TMEM192: variants seen among roughly 807,000 people sequenced by gnomAD.
TMEM192 encodes the protein transmembrane protein 192.
TMEM192 carries 20 observed loss-of-function variants against 26.7 expected under a neutral mutation model. The ratio of observed to expected loss-of-function variants is 0.75; its 90% CI spans 0.53 to 1.09. The LOEUF (loss-of-function observed/expected upper bound fraction) is 1.09, where lower values mean the gene tolerates loss of function less well. TMEM192 is among the 50% of genes least tolerant of loss of function. The pLI, the probability that TMEM192 is intolerant of heterozygous loss-of-function variation, is 0.00. For synonymous variants in TMEM192, 124 were observed against 121.0 expected, an observed-to-expected ratio of 1.02 and a Z score of -0.16; for missense variants, 304 against 322.6, an observed-to-expected ratio of 0.94 and a Z score of 0.44.
intron 1 of TMEM192, among the ~76,000 whole-genome samples, chr4:165,103,740 G>A (rs375120619): frequency 6.6e-6 from 1 of 151,914 alleles, no homozygotes; most frequent in African/African-American, 2.4e-5. Context: ...CAGGCTGGTC[G>A]CGAACTCCTG....
chr4:165,084,840 GGA>G (rs1734573440), intron 5 of TMEM192, among the ~76,000 whole-genome samples: 2 of 152,094 alleles, frequency 1.3e-5, no homozygotes, highest in African/African-American at 4.8e-5. Flanking sequence ...TAATTACCAT[GGA>G]AGTCACTTAG....
intron 2 of TMEM192, among the ~76,000 whole-genome samples, chr4:165,102,161 A>T (rs1418305140): frequency 6.6e-6 from 1 of 152,214 alleles, no homozygotes; most frequent in East Asian, 1.9e-4. Flanking sequence ...TAATTTTGTC[A>T]TCATACAAAA....
chr4:165,093,955 A>G (rs2110767204), intron 3 of TMEM192, among the ~76,000 whole-genome samples: 1 of 152,138 alleles, frequency 6.6e-6, no homozygotes, highest in East Asian at 1.9e-4. Flanking sequence ...TTGGGAGTGC[A>G]ATGACATGAT....
chr4:165,085,665 C>T lies in TMEM192; in HGVS notation c.598G>A (p.Ala200Thr). 1 of 1,608,846 alleles carries T rather than the reference C, an allele frequency of 6.2e-7. No homozygotes were observed. The highest frequency in any genetic ancestry group is 8.5e-7 in the Non-Finnish European group (1 of 1,178,052). Residue 200 changes from alanine (A) to threonine (T), a missense_variant, in exon 5 of 6, where the codon GCT (alanine) becomes ACT (threonine). Physicochemically the swap from Ala to Thr is moderately conservative, Grantham distance 58. Transcript: ENST00000306480. ...YTVKIRRFNKAKPEPDILEEE... is the reference protein window; with the variant it reads ...YTVKIRRFNKTKPEPDILEEE... ...TCAAGTATATCAGGCTCTGGTTTAG[C>T]TTTATTAAATCTCCGGATTTTCACT...
chr4:165,110,783 C>T (rs903994238), intron 1 of TMEM192, among the ~76,000 whole-genome samples: 2 of 152,220 alleles, frequency 1.3e-5, no homozygotes, highest in African/African-American at 4.8e-5. Context: ...ACTTCAATGC[C>T]TTGAGATGCC....
At chr4:165,108,201 C>G (rs1735213693) in intron 1 of TMEM192, among the ~76,000 whole-genome samples, 1 of 132,192 alleles carries the variant, frequency 7.6e-6, no homozygotes, top group Admixed American at 9.4e-5. Context: ...CGGCTCACTG[C>G]AAGCTCTGCC....
At chr4:165,112,300 C>A (rs1735311953) in intron 1 of TMEM192, among the ~76,000 whole-genome samples, 5 of 152,240 alleles carry the variant, frequency 3.3e-5, no homozygotes, top group African/African-American at 1.2e-4. Flanking sequence ...GGCAAGGGAC[C>A]TCACCAGGAA....
intron 3 of TMEM192, among the ~76,000 whole-genome samples, chr4:165,092,112 C>CTTTTTTTTTTTTTTTTTTTTTTT (rs35641833): frequency 1.4e-5 from 1 of 72,074 alleles, no homozygotes; most frequent in African/African-American, 6.7e-5. Context: ...TAATGCTGTT[C>CTTTTTTTTTTTTTTTTTTTTTTT]TTTTTTTTTT....
chr4:165,109,645 G>A (rs1279322548), intron 1 of TMEM192, among the ~76,000 whole-genome samples: 13 of 152,214 alleles, frequency 8.5e-5, no homozygotes, highest in Non-Finnish European at 1.5e-4. Flanking sequence ...GATTACAGGC[G>A]TGAGCCACCG....
Position 165,088,554 on chromosome 4 carries a change from T to A in TMEM192, c.488A>T (p.Glu163Val). 6.2e-7 allele frequency: 1 copy of A among 1,613,636 alleles called. No homozygotes were observed. The highest frequency in any genetic ancestry group is 1.1e-5 in the South Asian group (1 of 90,902). ...GAGGTCAAGATACAATCTGCCAGGCTCTGGGAAGGAGTGCTGCATGCACAG... is the reference window on the plus strand; with the variant it reads ...GAGGTCAAGATACAATCTGCCAGGCACTGGGAAGGAGTGCTGCATGCACAG... ...LILCMQHSFP[E>V]PGRLYLDLIL... The change falls in exon 4 of 6, where the codon GAG (glutamate) becomes GTG (valine). Residue 163 changes from glutamate to valine, a missense_variant. Transcript: ENST00000306480.
rs371707606 is a variant in TMEM192 at position 165,100,697 on chromosome 4, G to C, written c.370C>G (p.Arg124Gly). ...IQYHHSKIRN[R>G]GYNLIYRSTR... ...GATCGGTAGATCAAGTTATAGCCTC[G>C]GTTTCTGATTTTGCTGTGGTGATAC... The change falls in exon 3 of 6, where the codon CGA (arginine) becomes GGA (glycine). Residue 124 changes from arginine (R) to glycine (G), a missense_variant. By Grantham distance (125) the Arg-to-Gly change is moderately radical (BLOSUM62 -2). Coordinates refer to ENST00000306480, the MANE Select transcript of TMEM192 (RefSeq NM_001100389.2). The C allele has an allele frequency of 6.2e-7, 1 of 1,613,916 alleles. No individual in the cohort carries two copies. Among genetic ancestry groups the C allele is most frequent in the African/African-American group, 1.3e-5 (1 of 74,868 alleles).
chr4:165,090,471 G>T (rs1396621334), intron 3 of TMEM192, among the ~76,000 whole-genome samples: 4 of 152,076 alleles, frequency 2.6e-5, no homozygotes. Context: ...GTGGACAGAA[G>T]CTCCTGTACT....
chr4:165,088,216 AG>A (rs1342206792), intron 4 of TMEM192, among the ~76,000 whole-genome samples: 6 of 152,118 alleles, frequency 3.9e-5, no homozygotes, highest in African/African-American at 1.4e-4. Flanking sequence ...CAGCCCAAAA[AG>A]TTTGTGTCTT....
chr4:165,093,745 T>G (rs1227575727), intron 3 of TMEM192, among the ~76,000 whole-genome samples: 2 of 151,944 alleles, frequency 1.3e-5, no homozygotes, highest in Non-Finnish European at 2.9e-5. Context: ...TAATGGTGAC[T>G]TTTTTTTGAA....
intron 5 of TMEM192, among the ~76,000 whole-genome samples, chr4:165,080,581 G>T (rs529791026): frequency 6.6e-6 from 1 of 152,080 alleles, no homozygotes. Flanking sequence ...TTCAAGGGAT[G>T]GTAAGTGAGA....
In TMEM192 at chr4:165,078,717, C is replaced by T. The variant is rs931121847; in HGVS notation, c.*941G>A. The T allele has an allele frequency of 4.6e-5, 7 of 152,240 alleles. No individual in the cohort carries two copies. The highest frequency in any genetic ancestry group is 1.4e-4 in the African/African-American group (6 of 41,468). The allele number at this position is 152,240 out of a possible 1,614,324, so 9.4% of individuals were successfully genotyped here. ...AAGGTGCTGCCAATATAATAGGCAA[C>T]ACAGGTTCGTCTAACACAGGTCGGT... On this transcript the variant is annotated 3_prime_UTR_variant, in exon 6 of 6. Coordinates refer to ENST00000306480, the MANE Select transcript of TMEM192 (RefSeq NM_001100389.2).
chr4:165,094,675 G>GA (rs1734852537), intron 3 of TMEM192, among the ~76,000 whole-genome samples: 1 of 151,306 alleles, frequency 6.6e-6, no homozygotes, highest in Non-Finnish European at 1.5e-5. Flanking sequence ...AAAAGAAAAG[G>GA]AAAAAAAGAA....
chr4:165,090,492 C>G (rs1158013237), intron 3 of TMEM192, among the ~76,000 whole-genome samples: 1 of 152,116 alleles, frequency 6.6e-6, no homozygotes, highest in Non-Finnish European at 1.5e-5. Context: ...TGGGACCCTG[C>G]TGGACCTCAC....
In TMEM192 at chr4:165,103,098, T is replaced by C; in HGVS notation, c.28-2A>G. The C allele has an allele frequency of 3.8e-6, 6 of 1,597,340 alleles. No individual in the cohort carries two copies. Among genetic ancestry groups the C allele is most frequent in the Non-Finnish European group, 5.1e-6 (6 of 1,173,278 alleles). ...ACTCTGGGTGATATCCAAGGAACCC[T>C]GGGGTGCAGAAAAACAAGCAACCTA... On this transcript the variant is annotated splice_acceptor_variant, in intron 1 of 5. Coordinates refer to ENST00000306480, the MANE Select transcript of TMEM192 (RefSeq NM_001100389.2). LOFTEE classifies it high-confidence loss of function.
Sources: allele counts gnomAD v4.1 joint callset (sites outside exome capture counted in the v4.1 genomes callset), GRCh38; gene constraint gnomAD v4.1.1; transcripts MANE v1.5; gene names NCBI Gene and HGNC (gene_info 2026-07-23, HGNC 2026-07-21).